The following CEACAM20 variants were observed in gnomAD, a reference collection of about 807,000 sequenced individuals.
CEACAM20 encodes CEA cell adhesion molecule 20, also known as cell adhesion molecule CEACAM20.
In CEACAM20, 50 loss-of-function variants were observed where a neutral mutation model predicts 61.2. The observed-to-expected ratio is 0.82, with a 90% CI of 0.65 to 1.03. CEACAM20 has a LOEUF of 1.03. Ranked by LOEUF, CEACAM20 falls within the 50% of genes least tolerant of loss-of-function variation. CEACAM20 has a pLI of 0.00. For synonymous variants in CEACAM20, 282 were observed against 287.7 expected, an observed-to-expected ratio of 0.98 and a Z score of 0.20; for missense variants, 683 against 736.4, an observed-to-expected ratio of 0.93 and a Z score of 0.84.
At chr19:44,512,598 A>T (rs1420671624) in intron 8 of CEACAM20, among the ~76,000 whole-genome samples, 1 of 152,234 alleles carries the variant, frequency 6.6e-6, no homozygotes, top group African/African-American at 2.4e-5. Context: ...TGTCTACAAC[A>T]ATCAGTTAAA....
chr19:44,517,224 T>C lies in CEACAM20; in HGVS notation c.1031A>G (p.Tyr344Cys). The change falls in exon 6 of 12, where the codon TAT becomes TGT. Residue 344 changes from tyrosine to cysteine, a missense_variant and splice_region_variant. By Grantham distance (194) the Tyr-to-Cys change is radical. Coordinates refer to ENST00000614924, the MANE Select transcript of CEACAM20 (RefSeq NM_001102597.3). Reference protein sequence around the residue: ...RSEPLELTINYGPDQVHITRE... With the variant: ...RSEPLELTINCGPDQVHITRE... ...GGTGATGTGCACTTGGTCAGGACCA[T>C]CTGTGTGTAAAGCCAAACGTGATGC... is the stretch of plus-strand genomic sequence containing the variant. The C allele has an allele frequency of 2.5e-6, 4 of 1,603,372 alleles. No homozygotes were observed. Among genetic ancestry groups the C allele is most frequent in the East Asian group, 2.2e-5 (1 of 44,834 alleles).
chr19:44,525,363 A>T (rs1971498784), intron 1 of CEACAM20, 119 bp from the exon 2 acceptor site: 2 of 893,540 alleles, frequency 2.2e-6, no homozygotes, highest in African/African-American at 3.5e-5. Flanking sequence ...ACCCACAGAG[A>T]CCTGAGTCCT....
intron 7 of CEACAM20, 34 bp downstream of exon 7, chr19:44,513,138 C>T: frequency 6.5e-7 from 1 of 1,543,466 alleles, no homozygotes; most frequent in Non-Finnish European, 8.9e-7. Context: ...GCCACATCCC[C>T]ATCCCCATCC....
At chr19:44,520,375 A>C in intron 5 of CEACAM20, 99 bp downstream of exon 5, 6 of 1,418,970 alleles carry the variant, frequency 4.2e-6, no homozygotes, top group Non-Finnish European at 5.8e-6. Context: ...GACACAGAGC[A>C]GGAGCTCAAT....
At position 44,521,142 on chromosome 19, in the gene CEACAM20, G is replaced by A. The variant is rs138020070; in HGVS notation, c.752-390C>T. On this transcript the variant is annotated intron_variant, in intron 4 of 11. Coordinates refer to ENST00000614924, the MANE Select transcript of CEACAM20 (RefSeq NM_001102597.3). ...ATATGAATGTGTGTTCTGTGTCTGT[G>A]GTATTGTTTGTGTTATGTGTTTGTG... 3.9e-3 allele frequency among the ~76,000 whole-genome samples: 599 copies of A among 152,130 alleles called. 2 individuals carry two copies. Among genetic ancestry groups the A allele is most frequent in the African/African-American group, 0.014 (562 of 41,496 alleles).
chr19:44,520,857 TGTG>T, intron 4 of CEACAM20, 105 bp from the exon 5 acceptor site: 1 of 1,060,942 alleles, frequency 9.4e-7, no homozygotes, highest in Non-Finnish European at 1.4e-6. Flanking sequence ...TGTGTGTGTG[TGTG>T]TGTGTGTGTT....
chr19:44,516,809 G>T, intron 6 of CEACAM20, 137 bp downstream of exon 6: 1 of 919,072 alleles, frequency 1.1e-6, no homozygotes, highest in Non-Finnish European at 1.6e-6. Flanking sequence ...GGATTCAACA[G>T]CTGTGGACTG....
chr19:44,525,101 C>T lies in CEACAM20; in HGVS notation c.196G>A (p.Glu66Lys). 3 of 1,611,022 alleles carry T rather than the reference C, an allele frequency of 1.9e-6. No homozygotes were observed. The highest frequency in any genetic ancestry group is 2.5e-6 in the Non-Finnish European group (3 of 1,178,720). Residue 66 changes from glutamate to lysine, a missense_variant and splice_region_variant, in exon 2 of 12, where the codon GAG becomes AAG. Coordinates refer to ENST00000614924, the MANE Select transcript of CEACAM20 (RefSeq NM_001102597.3). ...RTPQIHGRSRELAKPSIAVSP... is the reference protein window; with the variant it reads ...RTPQIHGRSRKLAKPSIAVSP... ...GACCGTCTTGTTTTCTGGCCCCTAC[C>T]TCTGGATCTGCCATGAATCTGGGGT...
intron 6 of CEACAM20, among the ~76,000 whole-genome samples, chr19:44,516,459 G>A (rs949520082): frequency 3.9e-5 from 6 of 152,154 alleles, no homozygotes; most frequent in African/African-American, 9.7e-5. Context: ...TCTCATGGTA[G>A]TGAATAAGTC....
chr19:44,511,372 T>C (rs1970994355), intron 10 of CEACAM20, among the ~76,000 whole-genome samples: 1 of 152,204 alleles, frequency 6.6e-6, no homozygotes, highest in African/African-American at 2.4e-5. Context: ...AGCCTCCTTT[T>C]CACCCCAGCA....
chr19:44,511,829 CGAG>C (rs906839232), intron 9 of CEACAM20, among the ~76,000 whole-genome samples, 157 bp from the exon 10 acceptor site: 32 of 152,030 alleles, frequency 2.1e-4, no homozygotes, highest in African/African-American at 7.5e-4. Flanking sequence ...AATAAGAAGA[CGAG>C]GAGAAGAGAT....
chr19:44,524,288 C>G lies in CEACAM20; in HGVS notation c.197-27G>C, dbSNP rs760105397. 10 of 1,597,550 alleles carry G rather than the reference C, an allele frequency of 6.3e-6. No individual in the cohort carries two copies. The East Asian group carries it at 2.2e-4, about 36-fold the overall frequency. On this transcript the variant is annotated intron_variant, in intron 2 of 11. Coordinates refer to ENST00000614924, the MANE Select transcript of CEACAM20 (RefSeq NM_001102597.3). ...TGAAAGCAAGCGAGGGAGACAGAGG[C>G]AGAGACACAGGTAGAGGAAGAACAA...
At chr19:44,506,861 C>A (rs1970833662) in intron 11 of CEACAM20, among the ~76,000 whole-genome samples, 1 of 152,250 alleles carries the variant, frequency 6.6e-6, no homozygotes, top group South Asian at 2.1e-4. Context: ...TCCTGACCCA[C>A]AGAAACTGTG....
At chr19:44,507,041 A>G (rs1375448569) in intron 11 of CEACAM20, among the ~76,000 whole-genome samples, 3 of 152,184 alleles carry the variant, frequency 2.0e-5, no homozygotes. Context: ...TCCAGAATGT[A>G]GCAGACACTG....
intron 11 of CEACAM20, among the ~76,000 whole-genome samples, chr19:44,508,421 G>T (rs1212993553): frequency 6.6e-6 from 1 of 152,126 alleles, no homozygotes; most frequent in Non-Finnish European, 1.5e-5. Context: ...ACAAGGTCTT[G>T]TTCTGTTGCC....
At chr19:44,520,330 G>T (rs1971314988) in intron 5 of CEACAM20, 144 bp downstream of exon 5, 9 of 1,077,320 alleles carry the variant, frequency 8.4e-6, no homozygotes, top group Non-Finnish European at 1.2e-5. Context: ...CTGAGGGCAG[G>T]CACTTGGCCC....
chr19:44,520,843 T>C (rs922514112), intron 4 of CEACAM20, 91 bp from the exon 5 acceptor site: 1 of 1,109,582 alleles, frequency 9.0e-7, no homozygotes, highest in Non-Finnish European at 1.2e-6. Context: ...CAGGAGTGCG[T>C]GCGTGTGTGT....
chr19:44,511,667 T>C lies in CEACAM20; in HGVS notation c.1581A>G (p.Gln527=). 1.2e-6 allele frequency: 2 copies of C among 1,612,776 alleles called. No homozygotes were observed. Among genetic ancestry groups the C allele is most frequent in the Non-Finnish European group, 8.5e-7 (1 of 1,179,534 alleles). ...AGGTCTCCTCTGGAAGGTCTGGTGG[T>C]TGCATCTGGGGAAAAACAAAGTTGC... ...LQGRIRVELM[Q]PPDLPEETYE... The change falls in exon 10 of 12, where the codon CAA becomes CAG. Residue 527 remains glutamine (Q), a synonymous_variant. Transcript: ENST00000614924.
chr19:44,524,530 C>G (rs939548193), intron 2 of CEACAM20, among the ~76,000 whole-genome samples: 3 of 152,242 alleles, frequency 2.0e-5, no homozygotes, highest in Admixed American at 2.0e-4. Context: ...TCAATGTCAG[C>G]TGCAATGACA....
Sources: gnomAD v4.1 joint callset for allele counts (sites outside exome capture counted in the v4.1 genomes callset) on GRCh38, gnomAD v4.1.1 for gene constraint, MANE v1.5 for transcripts, NCBI Gene and HGNC (gene_info 2026-07-23, HGNC 2026-07-21) for gene names.